Variants in SRP72 observed in about 807,000 individuals in gnomAD.
SRP72 encodes the protein signal recognition particle 72.
A neutral mutation model predicts 96.3 loss-of-function variants in SRP72; 49 were observed. That is an observed-to-expected ratio of 0.51 (90% CI 0.40 to 0.65). SRP72 has a LOEUF of 0.65. Ranked by LOEUF, SRP72 falls within the 30% of genes least tolerant of loss-of-function variation. SRP72 has a pLI of 0.00. For synonymous variants in SRP72, 267 were observed against 275.2 expected, an observed-to-expected ratio of 0.97 and a Z score of 0.30; for missense variants, 736 against 793.3, an observed-to-expected ratio of 0.93 and a Z score of 0.87.
chr4:56,479,669 C>T (rs1720403628), intron 8 of SRP72, among the ~76,000 whole-genome samples: 1 of 151,582 alleles, frequency 6.6e-6, no homozygotes, highest in African/African-American at 2.4e-5. Context: ...TTTGTAGAGA[C>T]AGAGTCTTGC....
At chr4:56,471,275 ACTT>A (rs1719963262) in intron 2 of SRP72, among the ~76,000 whole-genome samples, 3 of 152,218 alleles carry the variant, frequency 2.0e-5, no homozygotes, top group Admixed American at 1.3e-4. Flanking sequence ...GATTACAGGT[ACTT>A]CTTTTAAGAT....
At chr4:56,494,027 G>A (rs1720994949) in intron 16 of SRP72, among the ~76,000 whole-genome samples, 1 of 152,202 alleles carries the variant, frequency 6.6e-6, no homozygotes, top group Non-Finnish European at 1.5e-5. Context: ...TCATGGAGAA[G>A]ATGATTGTGT....
intron 16 of SRP72, among the ~76,000 whole-genome samples, chr4:56,492,345 G>A (rs954770627): frequency 4.6e-5 from 7 of 152,102 alleles, no homozygotes; most frequent in Non-Finnish European, 7.4e-5. Context: ...TGAAGAAAAG[G>A]TTAGTCGGCT....
intron 12 of SRP72, among the ~76,000 whole-genome samples, chr4:56,488,528 T>C (rs1720797287): frequency 6.6e-6 from 1 of 152,208 alleles, no homozygotes; most frequent in African/African-American, 2.4e-5. Flanking sequence ...TGGCACTCAG[T>C]AAATGTAATA....
chr4:56,472,586 ATTT>A (rs1720021687), intron 3 of SRP72, among the ~76,000 whole-genome samples: 1 of 151,932 alleles, frequency 6.6e-6, no homozygotes, highest in Non-Finnish European at 1.5e-5. Flanking sequence ...GCATCAAGTG[ATTT>A]GCCTGCCTTG....
intron 12 of SRP72, among the ~76,000 whole-genome samples, 182 bp downstream of exon 12, chr4:56,488,195 T>C (rs1239384123): frequency 6.6e-6 from 1 of 152,200 alleles, no homozygotes; most frequent in East Asian, 1.9e-4. Context: ...TGGTTTCTTA[T>C]TCAGTCAAAT....
chr4:56,478,706 A>G, intron 8 of SRP72, 57 bp downstream of exon 8: 5 of 1,545,232 alleles, frequency 3.2e-6, no homozygotes, highest in Admixed American at 1.9e-5. Context: ...TCATCACCCT[A>G]GTTTTAGTTT....
At chr4:56,474,446 G>A (rs1258722684) in intron 5 of SRP72, 55 bp downstream of exon 5, 2 of 1,444,610 alleles carry the variant, frequency 1.4e-6, no homozygotes, top group East Asian at 2.3e-5. Flanking sequence ...ACTTTGTAGA[G>A]TATCTTCTAA....
intron 2 of SRP72, 139 bp downstream of exon 2, chr4:56,469,912 C>A: frequency 1.1e-4 from 77 of 673,032 alleles, no homozygotes; most frequent in Middle Eastern, 4.1e-4. Context: ...TTTTGCTTGT[C>A]AATAATGTTT....
chr4:56,496,249 G>T (rs1314637671), intron 17 of SRP72, among the ~76,000 whole-genome samples: 1 of 152,120 alleles, frequency 6.6e-6, no homozygotes, highest in Non-Finnish European at 1.5e-5. Flanking sequence ...GCCGTCTTAG[G>T]ATACAGGTTT....
chr4:56,482,748 G>C lies in SRP72; in HGVS notation c.826-391G>C, dbSNP rs1720553467. On this transcript the variant is annotated intron_variant, in intron 8 of 18. Coordinates refer to ENST00000642900, the MANE Select transcript of SRP72 (RefSeq NM_006947.4). The stretch of plus-strand genomic sequence containing the variant: ...GTAGTCCTAATACACTTCAATTTGT[G>C]CTGTCCCTTTTTTTCCTTCAAAAAG... 3.9e-5 allele frequency among the ~76,000 whole-genome samples: 6 copies of C among 152,282 alleles called. No homozygotes were observed. In the South Asian group the frequency reaches 6.2e-4, roughly 16 times the overall value.
chr4:56,482,705 G>T (rs1400332935), intron 8 of SRP72, among the ~76,000 whole-genome samples: 2 of 152,160 alleles, frequency 1.3e-5, no homozygotes, highest in African/African-American at 2.4e-5. Context: ...TGTAGAAATT[G>T]CCAAGTTAGG....
Position 56,502,565 on chromosome 4 carries a change from T to A in SRP72, c.*704T>A, listed in dbSNP as rs1721305046. On this transcript the variant is annotated 3_prime_UTR_variant, in exon 19 of 19. Coordinates refer to ENST00000642900, the MANE Select transcript of SRP72 (RefSeq NM_006947.4). ...TTTGTGCCCCATGTCATTTTCAGATTATGGTAGCATGCTGATACAGCACCA... is the reference window on the plus strand; with the variant it reads ...TTTGTGCCCCATGTCATTTTCAGATAATGGTAGCATGCTGATACAGCACCA... The A allele has an allele frequency of 1.3e-5, 2 of 149,236 alleles. No individual in the cohort carries two copies. The highest frequency in any genetic ancestry group is 3.0e-5 in the Non-Finnish European group (2 of 67,498). 9.2% of individuals were successfully genotyped at this position (149,236 alleles called of 1,614,324 possible). A position where few individuals can be genotyped will look rare whatever the true frequency, so the allele number is the denominator to read the frequency against.
chr4:56,474,043 T>A lies in SRP72; in HGVS notation c.355-11T>A. On this transcript the variant is annotated splice_polypyrimidine_tract_variant and intron_variant, in intron 3 of 18. Transcript: ENST00000642900. ...TTGTCTCTGATTTTTTACTTGCTAT[T>A]TATTATTCAGTTATACCGTTTGGAA... The A allele has an allele frequency of 6.2e-7, 1 of 1,602,386 alleles. No individual in the cohort carries two copies.
chr4:56,470,037 T>C (rs1281739944), intron 2 of SRP72, among the ~76,000 whole-genome samples: 1 of 149,832 alleles, frequency 6.7e-6, no homozygotes, highest in Non-Finnish European at 1.5e-5. Flanking sequence ...CCATAGAGAG[T>C]TGTGGGGCAT....
At position 56,478,421 on chromosome 4, in the gene SRP72, C is replaced by G. The variant is rs1207123356; in HGVS notation, c.685C>G (p.His229Asp). The G allele has an allele frequency of 4.3e-6, 7 of 1,613,028 alleles. No homozygotes were observed. The South Asian group carries it at 6.6e-5, about 15-fold the overall frequency. The stretch of plus-strand genomic sequence containing the variant: ...CCCACAGGCAGAACTGGCCATCATT[C>G]ATGGTCAGATGGCTTATATTCTGCA... ...EDPQAELAIIHGQMAYILQLQ... is the reference protein window; with the variant it reads ...EDPQAELAIIDGQMAYILQLQ... Residue 229 changes from histidine (H) to aspartate (D), a missense_variant, in exon 7 of 19, where the codon CAT becomes GAT. Physicochemically the swap from His to Asp is moderately conservative, Grantham distance 81. Coordinates refer to ENST00000642900, the MANE Select transcript of SRP72 (RefSeq NM_006947.4).
In SRP72 at chr4:56,476,623, T is replaced by C. The variant is rs1412634537; in HGVS notation, c.611-48T>C. 3 of 1,596,002 alleles carry C rather than the reference T, an allele frequency of 1.9e-6. No homozygotes were observed. In the South Asian group the frequency reaches 3.3e-5, roughly 18 times the overall value. On this transcript the variant is annotated intron_variant, in intron 5 of 18. Coordinates refer to ENST00000642900, the MANE Select transcript of SRP72 (RefSeq NM_006947.4). ...TTGCTCTTTGGAATAGTGAAAGAAA[T>C]GGGATTTACCCAGCAATACTACTTT...
intron 10 of SRP72, among the ~76,000 whole-genome samples, chr4:56,485,657 C>A (rs1385346289): frequency 2.6e-5 from 4 of 151,974 alleles, no homozygotes; most frequent in African/African-American, 9.7e-5. Flanking sequence ...AAAAAATTAG[C>A]CTGGCATGGT....
Position 56,500,709 on chromosome 4 carries a change from C to T in SRP72, c.1838+14C>T, listed in dbSNP as rs770022234. Reference sequence around the variant, plus strand: ...TTCATCTGAACTGTAAGTTATTGCTCCACAATTGAGGGCACTTAGAACATA... The same window carrying T: ...TTCATCTGAACTGTAAGTTATTGCTTCACAATTGAGGGCACTTAGAACATA... On this transcript the variant is annotated intron_variant, in intron 18 of 18. Transcript: ENST00000642900. The T allele has an allele frequency of 1.9e-6, 3 of 1,607,474 alleles. No homozygotes were observed. The highest frequency in any genetic ancestry group is 4.5e-5 in the East Asian group (2 of 44,780).
Sources: gnomAD v4.1 joint callset for allele counts (sites outside exome capture counted in the v4.1 genomes callset) on GRCh38, gnomAD v4.1.1 for gene constraint, MANE v1.5 for transcripts, NCBI Gene and HGNC (gene_info 2026-07-23, HGNC 2026-07-21) for gene names.